Variants in SHANK2 observed in about 807,000 individuals in gnomAD.
SHANK2 encodes the protein SH3 and multiple ankyrin repeat domains protein 2.
SHANK2 carries 43 observed loss-of-function variants against 133.7 expected under a neutral mutation model. The observed-to-expected ratio is 0.32, with a 90% CI of 0.25 to 0.41. The LOEUF is 0.41. Ranked by LOEUF, SHANK2 falls within the 10% of genes least tolerant of loss-of-function variation. The pLI is 1.00. For missense variants in SHANK2, 1,994 were observed against 2,235.8 expected, an observed-to-expected ratio of 0.89 and a Z score of 2.18; for synonymous variants, 1,017 against 952.8, an observed-to-expected ratio of 1.07 and a Z score of -1.24.
At chr11:71,167,802 C>T (rs1319186086) in intron 2 of SHANK2, among the ~76,000 whole-genome samples, 2 of 143,562 alleles carry the variant, frequency 1.4e-5, no homozygotes, top group African/African-American at 5.2e-5. Flanking sequence ...GGGGCTGATC[C>T]CCCCACCTCC....
intron 8 of SHANK2, among the ~76,000 whole-genome samples, chr11:71,085,459 T>C (rs1395404847): frequency 8.0e-6 from 1 of 125,652 alleles, no homozygotes; most frequent in Non-Finnish European, 1.6e-5. Context: ...CCATCTTAAA[T>C]ATATATATAT....
At chr11:70,918,858 C>A (rs893996738) in intron 10 of SHANK2, among the ~76,000 whole-genome samples, 1 of 152,110 alleles carries the variant, frequency 6.6e-6, no homozygotes, top group African/African-American at 2.4e-5. Context: ...TGATGGTGTA[C>A]AACATGTTTT....
intron 9 of SHANK2, among the ~76,000 whole-genome samples, chr11:71,069,556 C>G (rs1951116406): frequency 6.6e-6 from 1 of 152,204 alleles, no homozygotes; most frequent in Non-Finnish European, 1.5e-5. Context: ...TACTGAGCAT[C>G]TACTATGTTC....
At chr11:70,893,621 G>A (rs373692503) in intron 11 of SHANK2, among the ~76,000 whole-genome samples, 3 of 152,172 alleles carry the variant, frequency 2.0e-5, no homozygotes, top group Non-Finnish European at 2.9e-5. Context: ...TCATAATCAC[G>A]AACCCTTAGA....
chr11:70,896,396 G>A (rs1378998537), intron 11 of SHANK2, 105 bp downstream of exon 11: 4 of 615,250 alleles, frequency 6.5e-6, no homozygotes, highest in African/African-American at 3.7e-5. Flanking sequence ...CTAAAAGCAG[G>A]CTCTAAACCA....
intron 17 of SHANK2, among the ~76,000 whole-genome samples, chr11:70,533,776 A>G (rs912853629): frequency 6.6e-6 from 1 of 151,946 alleles, no homozygotes; most frequent in Non-Finnish European, 1.5e-5. Flanking sequence ...ACCCATTAGC[A>G]GTCAGTCCTC....
chr11:70,783,516 G>A (rs1003420252), intron 14 of SHANK2, among the ~76,000 whole-genome samples: 1 of 151,998 alleles, frequency 6.6e-6, no homozygotes, highest in Non-Finnish European at 1.5e-5. Context: ...GCACAGCACA[G>A]CACACGCCAA....
chr11:71,105,090 G>C (rs974488934), intron 6 of SHANK2, among the ~76,000 whole-genome samples: 2 of 152,210 alleles, frequency 1.3e-5, no homozygotes, highest in Non-Finnish European at 2.9e-5. Context: ...ATGTCCTTTA[G>C]GAGGCAAGTG....
rs149097547 is a variant in SHANK2 at position 70,783,075 on chromosome 11, C to G, written c.1777+15368G>C. Among the ~76,000 whole-genome samples the G allele has an allele frequency of 8.5e-5, 13 of 152,218 alleles. No homozygotes were observed. The East Asian group carries it at 2.3e-3, about 27-fold the overall frequency. Reference sequence around the variant, plus strand: ...GCTCTTCTCTGTCTCTGTCTTTCTGCGGATGAGGACACAGAGAGACAGAGG... The same window carrying G: ...GCTCTTCTCTGTCTCTGTCTTTCTGGGGATGAGGACACAGAGAGACAGAGG... On this transcript the variant is annotated intron_variant, in intron 14 of 25. Transcript: ENST00000601538.
chr11:70,697,022 A>G (rs142311807), intron 15 of SHANK2, among the ~76,000 whole-genome samples: 2 of 152,368 alleles, frequency 1.3e-5, no homozygotes, highest in Admixed American at 6.5e-5. Context: ...AGAAAGATGA[A>G]TACTTCGGGA....
intron 14 of SHANK2, among the ~76,000 whole-genome samples, chr11:70,724,869 G>T (rs920869412): frequency 6.6e-6 from 1 of 152,344 alleles, no homozygotes; most frequent in Admixed American, 6.5e-5. Flanking sequence ...CTAGTCAGAA[G>T]AAGCAACTTG....
intron 10 of SHANK2, among the ~76,000 whole-genome samples, chr11:70,954,957 C>A (rs1023664306): frequency 3.3e-5 from 5 of 152,248 alleles, no homozygotes; most frequent in Non-Finnish European, 2.9e-5. Flanking sequence ...ATGGAAAGGG[C>A]TCAGCACAGG....
chr11:71,212,272 G>A (rs891710030), intron 2 of SHANK2, among the ~76,000 whole-genome samples: 6 of 152,170 alleles, frequency 3.9e-5, no homozygotes, highest in African/African-American at 1.2e-4. Context: ...TTTTACCAGC[G>A]TGGCATGCAG....
chr11:71,121,401 C>T (rs1358417013), intron 3 of SHANK2, among the ~76,000 whole-genome samples: 1 of 152,190 alleles, frequency 6.6e-6, no homozygotes, highest in Non-Finnish European at 1.5e-5. Flanking sequence ...TGATGTCATA[C>T]AGGAGCAGGG....
intron 2 of SHANK2, among the ~76,000 whole-genome samples, chr11:71,173,970 C>T (rs138906408): frequency 3.5e-4 from 53 of 152,322 alleles, no homozygotes; most frequent in African/African-American, 1.2e-3. Context: ...TTCTGACCTC[C>T]AGAACTGTGG....
chr11:71,079,865 G>A (rs1951272068), intron 8 of SHANK2, among the ~76,000 whole-genome samples: 3 of 71,594 alleles, frequency 4.2e-5, no homozygotes, highest in African/African-American at 1.6e-4. Context: ...GGGAAGGGAG[G>A]GGAGGGGAAG....
chr11:70,929,458 G>GGCA (rs1950473064), intron 10 of SHANK2, among the ~76,000 whole-genome samples: 1 of 152,146 alleles, frequency 6.6e-6, no homozygotes, highest in Non-Finnish European at 1.5e-5. Context: ...CTGTCAGCAG[G>GGCA]GCAGCATTCC....
chr11:70,685,778 TCTC>T (rs1364897288), intron 15 of SHANK2, among the ~76,000 whole-genome samples: 1 of 152,008 alleles, frequency 6.6e-6, no homozygotes, highest in Non-Finnish European at 1.5e-5. Context: ...GGGACACAAG[TCTC>T]CTTCTCACTG....
intron 17 of SHANK2, among the ~76,000 whole-genome samples, chr11:70,515,183 G>T (rs2059248973): frequency 6.6e-6 from 1 of 152,162 alleles, no homozygotes; most frequent in Non-Finnish European, 1.5e-5. Context: ...TGAGACCACA[G>T]ATGCATGTCA....
Sources: allele counts gnomAD v4.1 joint callset (sites outside exome capture counted in the v4.1 genomes callset), GRCh38; gene constraint gnomAD v4.1.1; transcripts MANE v1.5; gene names NCBI Gene and HGNC (gene_info 2026-07-23, HGNC 2026-07-21).